FANCI: variants seen among roughly 807,000 people sequenced by gnomAD.
FANCI encodes FA complementation group I, also known as Fanconi anemia group I protein.
FANCI carries 156 observed loss-of-function variants against 176.1 expected under a neutral mutation model. That is an observed-to-expected ratio of 0.89 (90% CI 0.78 to 1.01). The LOEUF is 1.01. FANCI is among the 50% of genes least tolerant of loss of function. FANCI has a pLI of 0.00. For synonymous variants in FANCI, 613 were observed against 541.7 expected (o/e 1.13, Z -1.83); for missense variants, 1,678 against 1,534.1 (o/e 1.09, Z -1.57).
rs762282111 is a variant in FANCI, at chr15:89,306,133, T to C, written c.3476T>C (p.Val1159Ala). The C allele has an allele frequency of 6.2e-7, 1 of 1,614,172 alleles. No homozygotes were observed. The highest frequency in any genetic ancestry group is 1.7e-5 in the Admixed American group (1 of 60,024). ...ACAGCTCTGCCATCAGGCAGCTGTG[T>C]GGACACCTTGTTAAAGGACTTGTGC... ...VQTALPSGSC[V>A]DTLLKDLCKM... The change falls in exon 32 of 38, where the codon GTG (valine) becomes GCG (alanine). Residue 1159 changes from valine to alanine, a missense_variant. Val to Ala is a moderately conservative substitution (Grantham distance 64, BLOSUM62 0). This residue lies in a region of FANCI where 1,204 missense variants were observed against 1,077.4 expected (regional missense o/e 1.12). Transcript: ENST00000310775.
At chr15:89,308,612 C>T (rs1338131397) in intron 34 of FANCI, among the ~76,000 whole-genome samples, 38 of 152,192 alleles carry the variant, frequency 2.5e-4, no homozygotes, top group Admixed American at 2.5e-3. Context: ...TAACTTGCCT[C>T]ATTATGTGTA....
intron 20 of FANCI, among the ~76,000 whole-genome samples, chr15:89,291,945 G>T (rs1267761570): frequency 6.6e-6 from 1 of 152,132 alleles, no homozygotes; most frequent in African/African-American, 2.4e-5. Flanking sequence ...TTCCCCCAGA[G>T]AATATTTTAT....
chr15:89,281,621 C>T (rs1258827524), intron 15 of FANCI, 144 bp from the exon 16 acceptor site: 2 of 831,700 alleles, frequency 2.4e-6, no homozygotes, highest in African/African-American at 3.4e-5. Flanking sequence ...TACTATTGTC[C>T]TTGTTAACTG....
At position 89,283,257 on chromosome 15, in the gene FANCI, ATTAT is replaced by A. The variant is rs763550734; in HGVS notation, c.1698+11_1698+14del. ...GTCTCTCAGTGTCAGTCAGGTAAGG[ATTAT>A]TTACGTTAACTTGCAGTGTGTGCGT... On this transcript the variant is annotated splice_region_variant and intron_variant, in intron 17 of 37. Coordinates refer to ENST00000310775, the MANE Select transcript of FANCI (RefSeq NM_001113378.2). 2.1e-4 allele frequency: 332 copies of A among 1,613,856 alleles called. No homozygotes were observed. The highest frequency in any genetic ancestry group is 2.7e-4 in the Non-Finnish European group (319 of 1,179,916).
intron 10 of FANCI, 108 bp from the exon 11 acceptor site, chr15:89,273,269 A>C (rs1297610077): frequency 2.9e-6 from 2 of 682,530 alleles, no homozygotes; most frequent in Non-Finnish European, 5.2e-6. Context: ...GCATCACTGC[A>C]CTCTAGCCTG....
intron 10 of FANCI, among the ~76,000 whole-genome samples, chr15:89,271,095 C>A (rs906244844): frequency 6.6e-6 from 1 of 151,876 alleles, no homozygotes; most frequent in Non-Finnish European, 1.5e-5. Context: ...TTTTATTTTA[C>A]ATTTTTTTTG....
intron 18 of FANCI, among the ~76,000 whole-genome samples, chr15:89,289,221 T>C (rs1444861356): frequency 6.6e-6 from 1 of 152,190 alleles, no homozygotes; most frequent in Non-Finnish European, 1.5e-5. Flanking sequence ...TTTATTATTA[T>C]TACACATTCA....
chr15:89,282,122 G>A (rs893658534), intron 16 of FANCI: 27 of 402,062 alleles, frequency 6.7e-5, no homozygotes, highest in Non-Finnish European at 3.8e-5. Context: ...AACAGTAGTT[G>A]GTGGTGGAGC....
At chr15:89,259,141 G>A (rs2052616275) in intron 3 of FANCI, 1 of 285,652 alleles carries the variant, frequency 3.5e-6, no homozygotes, top group Admixed American at 4.8e-5. Context: ...TAATGAAATG[G>A]GGTATCTTAA....
At position 89,283,168 on chromosome 15, in the gene FANCI, G is replaced by C. The variant is rs2053680854; in HGVS notation, c.1616G>C (p.Gly539Ala). ...GATGCCCGAAAATCTGCAGTTGCTG[G>C]GTTTTTGCTGCTCCTGAAGAACTTT... ...QLDARKSAVA[G>A]FLLLLKNFKV... Residue 539 changes from glycine to alanine, a missense_variant, in exon 17 of 38, where the codon GGG becomes GCG. Transcript: ENST00000310775. The C allele has an allele frequency of 6.2e-7, 1 of 1,614,152 alleles. No individual in the cohort carries two copies. The highest frequency in any genetic ancestry group is 8.5e-7 in the Non-Finnish European group (1 of 1,180,024).
At chr15:89,266,352 G>A (rs966133233) in intron 9 of FANCI, among the ~76,000 whole-genome samples, 28 of 147,508 alleles carry the variant, frequency 1.9e-4, no homozygotes, top group African/African-American at 6.2e-4. Context: ...TTTTTGAGAG[G>A]AAGTCTCACT....
At chr15:89,265,154 G>A (rs1033221624) in intron 9 of FANCI, among the ~76,000 whole-genome samples, 2 of 152,080 alleles carry the variant, frequency 1.3e-5, no homozygotes, top group Non-Finnish European at 2.9e-5. Context: ...ATAATACAAA[G>A]GCAGAAGAAC....
chr15:89,263,346 G>T (rs1444935291), intron 6 of FANCI, 73 bp from the exon 7 acceptor site: 3 of 1,279,760 alleles, frequency 2.3e-6, no homozygotes, highest in Admixed American at 1.7e-5. Flanking sequence ...CTGTTTTTTT[G>T]TCCTCATTAA....
chr15:89,288,308 G>T (rs1163211850), intron 18 of FANCI, among the ~76,000 whole-genome samples: 2 of 152,016 alleles, frequency 1.3e-5, no homozygotes, highest in African/African-American at 4.8e-5. Flanking sequence ...GTTAACTCTT[G>T]TGCAGTCCTT....
chr15:89,290,067 TATTAGGGCATTTA>T (rs1183910574), intron 18 of FANCI, 133 bp from the exon 19 acceptor site: 2 of 703,054 alleles, frequency 2.8e-6, no homozygotes, highest in Non-Finnish European at 5.1e-6. Flanking sequence ...TGGTCATTTA[TATTAGGGCATTTA>T]GGACTGTCAA....
At chr15:89,314,845 CCCCCTT>C in intron 36 of FANCI, 138 bp downstream of exon 36, 8 of 555,930 alleles carry the variant, frequency 1.4e-5, no homozygotes, top group East Asian at 3.2e-5. Flanking sequence ...CTCCCCCCCC[CCCCCTT>C]TTTTTTTTTG....
intron 18 of FANCI, among the ~76,000 whole-genome samples, chr15:89,289,683 CTT>C (rs2053983733): frequency 6.6e-6 from 1 of 151,654 alleles, no homozygotes; most frequent in African/African-American, 2.4e-5. Context: ...TGTATAACCT[CTT>C]TTCCAGGTTC....
chr15:89,260,856 A>T lies in FANCI; in HGVS notation c.288+13A>T, dbSNP rs748684931. The T allele has an allele frequency of 5.0e-6, 8 of 1,613,108 alleles. No individual in the cohort carries two copies. In the East Asian group the frequency reaches 1.8e-4, roughly 36 times the overall value. On this transcript the variant is annotated intron_variant, in intron 4 of 37. Coordinates refer to ENST00000310775, the MANE Select transcript of FANCI (RefSeq NM_001113378.2). ...ACTGATGCTGGAGGTAAGATGGCAA[A>T]CAAAAACTTTTATTTGGGGGTAGGT...
chr15:89,281,787 C>T lies in FANCI; in HGVS notation c.1535C>T (p.Ser512Leu). ...AVQPLLKVSM[S>L]MRDCLILVLR... ...CAGCCCCTTCTCAAAGTCAGCATGT[C>T]AATGAGAGACTGCTTGATACTTGTC... Residue 512 changes from serine (S) to leucine (L), a missense_variant, in exon 16 of 38, where the codon TCA (serine) becomes TTA (leucine). By Grantham distance (145) the Ser-to-Leu change is moderately radical. This residue lies in a region of FANCI where 1,204 missense variants were observed against 1,077.4 expected (regional missense o/e 1.12). Coordinates refer to ENST00000310775, the MANE Select transcript of FANCI (RefSeq NM_001113378.2). 1 of 1,613,904 alleles carries T rather than the reference C, an allele frequency of 6.2e-7. No individual in the cohort carries two copies. The highest frequency in any genetic ancestry group is 8.5e-7 in the Non-Finnish European group (1 of 1,179,900).
Sources: allele counts gnomAD v4.1 joint callset (sites outside exome capture counted in the v4.1 genomes callset), GRCh38; gene constraint gnomAD v4.1.1; regional missense constraint gnomAD v4.1.1; transcripts MANE v1.5; gene names NCBI Gene and HGNC (gene_info 2026-07-23, HGNC 2026-07-21).